PRPF18: variants seen among roughly 807,000 people sequenced by gnomAD.
PRPF18 encodes pre-mRNA-splicing factor 18.
In PRPF18, 38 loss-of-function variants were observed where a neutral mutation model predicts 46.5. The observed-to-expected ratio is 0.82, with a 90% CI of 0.63 to 1.07. The LOEUF (loss-of-function observed/expected upper bound fraction) is 1.07, where lower values mean the gene tolerates loss of function less well. PRPF18 is among the 50% of genes least tolerant of loss of function. The pLI is 0.00. For synonymous variants in PRPF18, 152 were observed against 146.7 expected, an observed-to-expected ratio of 1.04 and a Z score of -0.26; for missense variants, 263 against 410.0, an observed-to-expected ratio of 0.64 and a Z score of 3.10.
intron 5 of PRPF18, 100 bp downstream of exon 5, chr10:13,610,285 TGTC>T: frequency 7.7e-7 from 1 of 1,293,732 alleles, no homozygotes; most frequent in Non-Finnish European, 1.0e-6. Flanking sequence ...AGCACACTGT[TGTC>T]CTTGGTCTTT....
chr10:13,612,296 A>G (rs1385732318), intron 6 of PRPF18, among the ~76,000 whole-genome samples: 1 of 152,092 alleles, frequency 6.6e-6, no homozygotes, highest in Non-Finnish European at 1.5e-5. Flanking sequence ...TTCTTGAGGC[A>G]GAGTCTTGCT....
At chr10:13,603,174 G>T (rs1296138382) in intron 3 of PRPF18, among the ~76,000 whole-genome samples, 1 of 152,036 alleles carries the variant, frequency 6.6e-6, no homozygotes, top group Admixed American at 6.5e-5. Context: ...TAGTAGACAT[G>T]ATATGGGGAA....
chr10:13,604,540 T>G (rs920187573), intron 3 of PRPF18, among the ~76,000 whole-genome samples: 4 of 152,130 alleles, frequency 2.6e-5, no homozygotes, highest in African/African-American at 7.2e-5. Context: ...GAGGGAGAAG[T>G]TTTTGGTTTC....
intron 5 of PRPF18, 130 bp downstream of exon 5, chr10:13,610,315 G>C: frequency 9.6e-7 from 1 of 1,043,208 alleles, no homozygotes; most frequent in Non-Finnish European, 1.3e-6. Flanking sequence ...TTTACTCCTC[G>C]CTTTTATTTA....
At chr10:13,622,098 A>G (rs75786041) in intron 9 of PRPF18, among the ~76,000 whole-genome samples, 2,903 of 152,276 alleles carry the variant, frequency 0.019, 39 homozygotes, top group Non-Finnish European at 0.031. Flanking sequence ...GCTCTAATGT[A>G]TGTCACACAC....
intron 9 of PRPF18, 82 bp from the exon 10 acceptor site, chr10:13,630,178 A>G (rs2080575731): frequency 5.1e-6 from 6 of 1,167,166 alleles, no homozygotes; most frequent in Non-Finnish European, 7.7e-6. Flanking sequence ...GACATTGACA[A>G]ACTGATAACG....
At position 13,613,730 on chromosome 10, in the gene PRPF18, C is replaced by A; in HGVS notation, c.580-11C>A. 1.2e-6 allele frequency: 2 copies of A among 1,609,770 alleles called. No individual in the cohort carries two copies. Among genetic ancestry groups the A allele is most frequent in the Non-Finnish European group, 1.7e-6 (2 of 1,178,762 alleles). On this transcript the variant is annotated splice_polypyrimidine_tract_variant and intron_variant, in intron 6 of 9. Coordinates refer to ENST00000378572, the MANE Select transcript of PRPF18 (RefSeq NM_003675.4). ...GGCATTGTAGTCTAAGTTTACCCAT[C>A]CTTTCAACAGTTTCTTCTTGGCGTT...
intron 4 of PRPF18, among the ~76,000 whole-genome samples, chr10:13,606,508 A>G (rs2249276): frequency 0.8 from 122,397 of 152,114 alleles, 49,385 homozygotes; most frequent in East Asian, 0.91. Flanking sequence ...AGGCTGAGGC[A>G]GGTGGATCAC....
At chr10:13,600,442 C>A in intron 3 of PRPF18, 94 bp downstream of exon 3, 1 of 920,206 alleles carries the variant, frequency 1.1e-6, no homozygotes, top group Non-Finnish European at 1.6e-6. Context: ...TCATTATTTC[C>A]TGCGTAAAAT....
Position 13,630,330 on chromosome 10 carries a change from A to T in PRPF18, c.1019A>T (p.Asn340Ile). 2.5e-6 allele frequency: 4 copies of T among 1,608,528 alleles called. No individual in the cohort carries two copies. Among genetic ancestry groups the T allele is most frequent in the Non-Finnish European group, 3.4e-6 (4 of 1,174,894 alleles). Residue 340 changes from asparagine to isoleucine, a missense_variant, in exon 10 of 10, where the codon AAT becomes ATT. By Grantham distance (149) the Asn-to-Ile change is moderately radical. Coordinates refer to ENST00000378572, the MANE Select transcript of PRPF18 (RefSeq NM_003675.4). Reference protein sequence around the residue: ...PTDPSKCVEYNAL With the variant: ...PTDPSKCVEYIAL ...GACCCATCCAAATGTGTGGAGTACA[A>T]TGCACTGTGAGATCTGTGTATGGTG...
intron 9 of PRPF18, among the ~76,000 whole-genome samples, chr10:13,629,816 TA>T (rs1477639560): frequency 1.3e-5 from 2 of 152,238 alleles, no homozygotes; most frequent in Non-Finnish European, 2.9e-5. Context: ...AATAGTCTCC[TA>T]AATTTTAGAT....
the PRPF18 span, chr10:13,652,719 CAG>C: frequency 2.0e-5 from 3 of 152,356 alleles, no homozygotes; most frequent in African/African-American, 7.2e-5. Flanking sequence ...TAAAAGGAAT[CAG>C]AGGCAGCAGG....
rs17156963 is a variant in PRPF18, at chr10:13,591,882, C to T, written c.66+4730C>T. 2.4e-3 allele frequency: 3,472 copies of T among 1,423,334 alleles called. 71 individuals carry two copies. The African/African-American group carries it at 0.044, about 18-fold the overall frequency. 88.2% of individuals were successfully genotyped at this position (1,423,334 alleles called of 1,614,324 possible). On this transcript the variant is annotated intron_variant, in intron 1 of 9. Transcript: ENST00000378572. Reference sequence around the variant, plus strand: ...ATCCAGTGAGGATGATCAGAACGTTCCCCGGGGTAATGCTGGTTCGCAGTT... The same window carrying T: ...ATCCAGTGAGGATGATCAGAACGTTTCCCGGGGTAATGCTGGTTCGCAGTT...
downstream of PRPF18, chr10:13,632,856 A>T (rs773920742): frequency 5.9e-5 from 9 of 152,214 alleles, no homozygotes; most frequent in Non-Finnish European, 1.3e-4. Context: ...TTGTTTATAA[A>T]ACAGTGAAGA....
At chr10:13,606,214 C>T (rs2080182335) in intron 4 of PRPF18, among the ~76,000 whole-genome samples, 1 of 152,146 alleles carries the variant, frequency 6.6e-6, no homozygotes. Flanking sequence ...TCTCCTCATC[C>T]CTTCCTGGGC....
At chr10:13,636,496 C>G in the PRPF18 span, among the ~76,000 whole-genome samples, 1 of 152,144 alleles carries the variant, frequency 6.6e-6, no homozygotes, top group Non-Finnish European at 1.5e-5. Context: ...TGTTACGCGT[C>G]AAGTGTCTGT....
At chr10:13,638,172 C>T in the PRPF18 span, 1 of 152,200 alleles carries the variant, frequency 6.6e-6, no homozygotes, top group Admixed American at 6.5e-5. Context: ...AAGAGACAGA[C>T]TTAGCTGACA....
rs778450528 is a variant in PRPF18, at chr10:13,630,646, C to T, written c.*306C>T. The T allele has an allele frequency of 3.0e-5, 5 of 169,452 alleles. No individual in the cohort carries two copies. Among genetic ancestry groups the T allele is most frequent in the South Asian group, 2.0e-4 (1 of 5,026 alleles). The allele number at this position is 169,452 out of a possible 1,614,324, so 10.5% of individuals were successfully genotyped here. ...AAAATGACCTTTTTTTCAGTTGACC[C>T]GAAAGTTGTGGTTAGATGATTAAAA... On this transcript the variant is annotated 3_prime_UTR_variant, in exon 10 of 10. Transcript: ENST00000378572.
intron 5 of PRPF18, among the ~76,000 whole-genome samples, chr10:13,610,770 G>A (rs762006268): frequency 2.6e-5 from 4 of 152,088 alleles, no homozygotes; most frequent in African/African-American, 7.2e-5. Context: ...ATTTATATAT[G>A]TATATTTAAC....
Sources: allele counts gnomAD v4.1 joint callset (sites outside exome capture counted in the v4.1 genomes callset), GRCh38; gene constraint gnomAD v4.1.1; transcripts MANE v1.5; gene names NCBI Gene and HGNC (gene_info 2026-07-23, HGNC 2026-07-21).